TRIM51: variants seen among roughly 807,000 people sequenced by gnomAD.
The protein encoded by TRIM51 is tripartite motif-containing 51, also known as tripartite motif-containing protein 51.
TRIM51 carries 23 observed loss-of-function variants against 32.7 expected under a neutral mutation model. The ratio of observed to expected loss-of-function variants is 0.70; its 90% CI spans 0.51 to 1.00. The LOEUF (loss-of-function observed/expected upper bound fraction) is 1.00. Among genes scored for constraint, TRIM51 ranks in the 50% least tolerant of loss-of-function variants. The probability of loss-of-function intolerance (pLI) is 0.00; values close to 1 mark genes in which losing one functional copy is unlikely to be tolerated. For synonymous variants in TRIM51, 177 were observed against 181.9 expected (o/e 0.97, Z 0.22); for missense variants, 592 against 539.2 (o/e 1.10, Z -0.97).
rs1447429031 is a variant in TRIM51, at chr11:55,891,517, G to T, written c.1244G>T (p.Cys415Phe). Residue 415 changes from cysteine to phenylalanine, a missense_variant, in exon 7 of 7, where the codon TGT (cysteine) becomes TTT (phenylalanine). Physicochemically the swap from Cys to Phe is radical, Grantham distance 205. Transcript: ENST00000449290. Reference sequence around the variant, plus strand: ...AGCACAGTAGGATTATTCCTGGATTGTGAAGGTAGAACCGTGAGCTTTGTT... The same window carrying T: ...AGCACAGTAGGATTATTCCTGGATTTTGAAGGTAGAACCGTGAGCTTTGTT... The part of the protein sequence containing the change: ...PTSTVGLFLD[C>F]EGRTVSFVDV... 1 of 1,613,484 alleles carries T rather than the reference G, an allele frequency of 6.2e-7. No homozygotes were observed. The highest frequency in any genetic ancestry group is 8.5e-7 in the Non-Finnish European group (1 of 1,179,734).
chr11:55,886,282 A>G (rs1270572332), intron 3 of TRIM51, 64 bp downstream of exon 3: 11 of 1,293,210 alleles, frequency 8.5e-6, no homozygotes, highest in Non-Finnish European at 1.1e-5. Context: ...GACTCTTAAA[A>G]TAGGAACTTG....
At chr11:55,883,750 ATAACCT>A (rs1024449451) in intron 1 of TRIM51, among the ~76,000 whole-genome samples, 1 of 152,160 alleles carries the variant, frequency 6.6e-6, no homozygotes, top group African/African-American at 2.4e-5. Flanking sequence ...TTGTGCTTTC[ATAACCT>A]TAAGCTTTTA....
At chr11:55,891,083 A>C in intron 6 of TRIM51, 50 bp from the exon 7 acceptor site, 1 of 1,391,600 alleles carries the variant, frequency 7.2e-7, no homozygotes, top group Non-Finnish European at 9.7e-7. Context: ...CAAGAATTCT[A>C]ATTTCTATTA....
At chr11:55,891,080 T>C (rs1471113290) in intron 6 of TRIM51, 53 bp from the exon 7 acceptor site, 9 of 1,397,774 alleles carry the variant, frequency 6.4e-6, no homozygotes, top group Non-Finnish European at 7.7e-6. Context: ...CCTCAAGAAT[T>C]CTAATTTCTA....
intron 1 of TRIM51, among the ~76,000 whole-genome samples, chr11:55,883,612 G>C (rs1452608240): frequency 3.9e-5 from 6 of 151,992 alleles, no homozygotes; most frequent in African/African-American, 1.2e-4. Flanking sequence ...TCTAGTGTTT[G>C]CTGCAATAGA....
intron 5 of TRIM51, 148 bp downstream of exon 5, chr11:55,889,149 T>C: frequency 1.3e-6 from 1 of 758,490 alleles, no homozygotes. Context: ...TGTAGTCATC[T>C]ATTTTGTTGC....
chr11:55,884,533 G>A (rs1854550918), intron 1 of TRIM51, among the ~76,000 whole-genome samples: 1 of 152,040 alleles, frequency 6.6e-6, no homozygotes, highest in South Asian at 2.1e-4. Flanking sequence ...AAACTGCCTT[G>A]TCTCTGCCCT....
rs749180477 is a variant in TRIM51, at chr11:55,891,672, C to A, written c.*40C>A. ...GAAATGTGCCTGTATGCTCTGGGAA[C>A]CTGTTTATCCCAGAAAGCCCTCTTT... On this transcript the variant is annotated 3_prime_UTR_variant, in exon 7 of 7. Transcript: ENST00000449290. The A allele has an allele frequency of 5.0e-6, 8 of 1,605,142 alleles. No individual in the cohort carries two copies. The highest frequency in any genetic ancestry group is 2.2e-5 in the East Asian group (1 of 44,840).
chr11:55,889,978 G>C lies in TRIM51; in HGVS notation c.798G>C (p.Val266=). Residue 266 remains valine, a synonymous_variant, in exon 6 of 7, where the codon GTG becomes GTC. Transcript: ENST00000449290. ...ESLLLQVSEP[V]NPELSAGPIT... is the part of the protein sequence containing the mutation. ...TGCTGCTGCAAGTGTCTGAGCCTGT[G>C]AATCCAGAGCTCAGTGCAGGGCCCA... 6.2e-7 allele frequency: 1 copy of C among 1,613,410 alleles called. No individual in the cohort carries two copies. Among genetic ancestry groups the C allele is most frequent in the Non-Finnish European group, 8.5e-7 (1 of 1,179,602 alleles).
At position 55,891,127 on chromosome 11, in the gene TRIM51, T is replaced by A. The variant is rs910111256; in HGVS notation, c.860-6T>A. ...TATCTATATTTTTTAAAAATTATTT[T>A]TGCAGTTGATTTTACTCTGCAGCCT... On this transcript the variant is annotated splice_polypyrimidine_tract_variant and splice_region_variant and intron_variant, in intron 6 of 6. Coordinates refer to ENST00000449290, the MANE Select transcript of TRIM51 (RefSeq NM_032681.4). 3 of 1,587,770 alleles carry A rather than the reference T, an allele frequency of 1.9e-6. No homozygotes were observed. The highest frequency in any genetic ancestry group is 2.6e-6 in the Non-Finnish European group (3 of 1,174,772).
At chr11:55,890,496 C>T (rs1157629049) in intron 6 of TRIM51, among the ~76,000 whole-genome samples, 1 of 151,900 alleles carries the variant, frequency 6.6e-6, no homozygotes, top group East Asian at 1.9e-4. Flanking sequence ...TAAAATTTGA[C>T]TTAACATGTA....
At chr11:55,885,345 T>C (rs1854561601) in intron 1 of TRIM51, 80 bp from the exon 2 acceptor site, 3 of 1,418,472 alleles carry the variant, frequency 2.1e-6, no homozygotes, top group East Asian at 2.3e-5. Context: ...GAAGAAAATA[T>C]AGCTATCACA....
At chr11:55,887,530 A>C (rs1044849696) in intron 3 of TRIM51, among the ~76,000 whole-genome samples, 2 of 152,154 alleles carry the variant, frequency 1.3e-5, no homozygotes, top group Non-Finnish European at 2.9e-5. Context: ...AACCACAAAG[A>C]AGCCCATGTT....
chr11:55,886,361 T>C (rs1209641989), intron 3 of TRIM51, 143 bp downstream of exon 3: 1 of 670,462 alleles, frequency 1.5e-6, no homozygotes. Flanking sequence ...AACACCCTAA[T>C]TTTTTATATA....
rs143840865 is a variant in TRIM51, at chr11:55,884,157, C to CTATATATATATATATATATATATATA, written c.-5+774_-5+799dup. 5.1e-3 allele frequency among the ~76,000 whole-genome samples: 314 copies of CTATATATATATATATATATATATATA among 61,214 alleles called. 15 individuals carry two copies. Among genetic ancestry groups the CTATATATATATATATATATATATATA allele is most frequent in the Middle Eastern group, 0.011 (1 of 94 alleles). The allele number at this position is 61,214 out of a possible 152,430, so 40.2% of individuals were successfully genotyped here. On this transcript the variant is annotated intron_variant, in intron 1 of 6. Transcript: ENST00000449290. ...CCATAGGATGTGTACATAACTATAACTATATATATATATATATATATATAT... is the reference window on the plus strand; with the variant it reads ...CCATAGGATGTGTACATAACTATAACTATATATATATATATATATATATATATATATATATATATATATATATATAT...
At position 55,890,045 on chromosome 11, in the gene TRIM51, T is replaced by A; in HGVS notation, c.859+6T>A. The A allele has an allele frequency of 6.2e-7, 1 of 1,603,524 alleles. No individual in the cohort carries two copies. The highest frequency in any genetic ancestry group is 8.5e-7 in the Non-Finnish European group (1 of 1,170,978). The stretch of plus-strand genomic sequence containing the variant: ...CAGCCTCAGTGGATTCAGAGGTGAG[T>A]GTCAGCCCATTGGCAGAATTCCCAC... On this transcript the variant is annotated splice_donor_region_variant and intron_variant, in intron 6 of 6. Transcript: ENST00000449290.
chr11:55,891,314 G>A lies in TRIM51; in HGVS notation c.1041G>A (p.Met347Ile). The change falls in exon 7 of 7, where the codon ATG (methionine) becomes ATA (isoleucine). Residue 347 changes from methionine (M) to isoleucine (I), a missense_variant. Transcript: ENST00000449290. Reference protein sequence around the residue: ...TSGKYYWEVHMGDSWNWAFGV... With the variant: ...TSGKYYWEVHIGDSWNWAFGV... ...GCAAATATTATTGGGAGGTTCATAT[G>A]GGGGACTCTTGGAATTGGGCTTTTG... 4 of 1,611,572 alleles carry A rather than the reference G, an allele frequency of 2.5e-6. No homozygotes were observed. The South Asian group carries it at 4.4e-5, about 18-fold the overall frequency.
chr11:55,885,127 A>G (rs1368262810), intron 1 of TRIM51, among the ~76,000 whole-genome samples: 1 of 152,086 alleles, frequency 6.6e-6, no homozygotes, highest in Admixed American at 6.5e-5. Flanking sequence ...ACCACTTAAG[A>G]TTAAAACCCG....
Position 55,891,496 on chromosome 11 carries a change from C to A in TRIM51, c.1223C>A (p.Thr408Lys). The change falls in exon 7 of 7, where the codon ACA becomes AAA. Residue 408 changes from threonine to lysine, a missense_variant. By Grantham distance (78) the Thr-to-Lys change is moderately conservative (BLOSUM62 -1). Transcript: ENST00000449290. ...VVQYVPRPTS[T>K]VGLFLDCEGR... ...CAATATGTTCCAAGACCTACCAGCA[C>A]AGTAGGATTATTCCTGGATTGTGAA... The A allele has an allele frequency of 6.2e-7, 1 of 1,613,538 alleles. No individual in the cohort carries two copies. The highest frequency in any genetic ancestry group is 1.7e-5 in the Admixed American group (1 of 60,000).
Sources: gnomAD v4.1 joint callset for allele counts (sites outside exome capture counted in the v4.1 genomes callset) on GRCh38, gnomAD v4.1.1 for gene constraint, MANE v1.5 for transcripts, NCBI Gene and HGNC (gene_info 2026-07-23, HGNC 2026-07-21) for gene names.